The following PCNX2 variants were observed in gnomAD, a reference collection of about 807,000 sequenced individuals.
PCNX2 encodes pecanex 2, also known as pecanex-like protein 2.
PCNX2 carries 168 observed loss-of-function variants against 223.8 expected under a neutral mutation model. The observed-to-expected ratio is 0.75, with a 90% CI of 0.66 to 0.85. The LOEUF (loss-of-function observed/expected upper bound fraction) is 0.85, where lower values mean the gene tolerates loss of function less well. PCNX2 is among the 40% of genes least tolerant of loss of function. The pLI, the probability that PCNX2 is intolerant of heterozygous loss-of-function variation, is 0.00. For synonymous variants in PCNX2, 1,006 were observed against 1,052.6 expected, an observed-to-expected ratio of 0.96 and a Z score of 0.86; for missense variants, 2,507 against 2,675.5, an observed-to-expected ratio of 0.94 and a Z score of 1.39.
chr1:233,241,327 A>G (rs1235551055), intron 8 of PCNX2: 2 of 985,456 alleles, frequency 2.0e-6, no homozygotes, highest in African/African-American at 1.7e-5. Context: ...GGCAGGGCCA[A>G]TTCTCAGGCT....
chr1:233,325,808 C>T, the PCNX2 span, among the ~76,000 whole-genome samples: 9 of 152,134 alleles, frequency 5.9e-5, no homozygotes, highest in African/African-American at 1.7e-4. Context: ...ATCACAAACT[C>T]GGTTGGTAAA....
At chr1:233,278,583 A>G (rs1000989960) in intron 1 of PCNX2, among the ~76,000 whole-genome samples, 1 of 152,180 alleles carries the variant, frequency 6.6e-6, no homozygotes, top group Non-Finnish European at 1.5e-5. Context: ...ATTTCTGTAC[A>G]GGGGAGTGGA....
intron 10 of PCNX2, among the ~76,000 whole-genome samples, chr1:233,219,135 G>A (rs1657213169): frequency 6.6e-6 from 1 of 152,030 alleles, no homozygotes; most frequent in South Asian, 2.1e-4. Context: ...TTATCAGGTG[G>A]GTATGCAAAG....
chr1:233,200,100 C>A (rs958979574), intron 14 of PCNX2, 54 bp downstream of exon 14: 3 of 1,390,900 alleles, frequency 2.2e-6, no homozygotes, highest in Non-Finnish European at 3.0e-6. Context: ...GCTATTTAGT[C>A]CTTATCTGAA....
chr1:233,213,557 T>C (rs1171711109), intron 12 of PCNX2, among the ~76,000 whole-genome samples: 1 of 152,160 alleles, frequency 6.6e-6, no homozygotes, highest in Non-Finnish European at 1.5e-5. Context: ...AAAACTACTC[T>C]AAAATAAAAG....
intron 1 of PCNX2, among the ~76,000 whole-genome samples, chr1:233,276,858 T>C (rs955972755): frequency 6.6e-6 from 1 of 152,260 alleles, no homozygotes; most frequent in Non-Finnish European, 1.5e-5. Flanking sequence ...GGGGTAGAAC[T>C]GTGACTGCAA....
intron 23 of PCNX2, among the ~76,000 whole-genome samples, chr1:233,077,425 CA>C (rs1207882652): frequency 6.6e-6 from 1 of 152,170 alleles, no homozygotes; most frequent in Admixed American, 6.5e-5. Flanking sequence ...CAGGGAAAAA[CA>C]CCCTCAGAAG....
At chr1:233,092,429 A>G (rs1223194204) in intron 22 of PCNX2, among the ~76,000 whole-genome samples, 1 of 152,240 alleles carries the variant, frequency 6.6e-6, no homozygotes, top group Non-Finnish European at 1.5e-5. Context: ...TACATTTTTT[A>G]AATGCCAGAA....
intron 9 of PCNX2, among the ~76,000 whole-genome samples, chr1:233,230,657 C>T (rs1008046694): frequency 3.3e-5 from 5 of 152,104 alleles, no homozygotes; most frequent in East Asian, 3.9e-4. Context: ...TTAGGAAAAG[C>T]GAGGACAAAG....
intron 28 of PCNX2, among the ~76,000 whole-genome samples, chr1:233,004,818 C>T (rs191438487): frequency 5.3e-5 from 8 of 152,296 alleles, no homozygotes; most frequent in Admixed American, 1.3e-4. Context: ...GCCGCTGAGG[C>T]TTCAAGGCTT....
intron 21 of PCNX2, among the ~76,000 whole-genome samples, chr1:233,130,248 C>A (rs1676392562): frequency 6.6e-6 from 1 of 152,172 alleles, no homozygotes; most frequent in African/African-American, 2.4e-5. Context: ...TCTGCAGCTT[C>A]ATTCTTGAAA....
At chr1:233,282,352 A>G (rs915876085) in intron 1 of PCNX2, among the ~76,000 whole-genome samples, 10 of 152,132 alleles carry the variant, frequency 6.6e-5, no homozygotes, top group African/African-American at 2.4e-4. Flanking sequence ...TTATTTTTCA[A>G]ATCTGTATCC....
At chr1:233,097,499 A>C (rs1674243390) in intron 21 of PCNX2, among the ~76,000 whole-genome samples, 1 of 152,168 alleles carries the variant, frequency 6.6e-6, no homozygotes, top group Non-Finnish European at 1.5e-5. Context: ...ACTTGCATCA[A>C]CCATAGAGGA....
chr1:233,288,137 A>G (rs1392853722), intron 1 of PCNX2, among the ~76,000 whole-genome samples: 3 of 152,228 alleles, frequency 2.0e-5, no homozygotes, highest in African/African-American at 4.8e-5. Flanking sequence ...TAAGATATTT[A>G]ATGTTTAAAA....
rs142886973 is a variant in PCNX2, at chr1:233,233,529, G to C, written c.2358+3316C>G. ...CCCTTTCTGGGAGCTCCCCTTTCAG[G>C]GACACTTCATTCCCTACACACACAC... On this transcript the variant is annotated intron_variant, in intron 9 of 33. Coordinates refer to ENST00000258229, the MANE Select transcript of PCNX2 (RefSeq NM_014801.4). Among the ~76,000 whole-genome samples the C allele has an allele frequency of 6.1e-3, 908 of 149,242 alleles. 8 individuals carry two copies. Among genetic ancestry groups the C allele is most frequent in the African/African-American group, 0.021 (838 of 40,542 alleles).
chr1:233,288,361 GA>G (rs1661562753), intron 1 of PCNX2, among the ~76,000 whole-genome samples: 1 of 152,140 alleles, frequency 6.6e-6, no homozygotes, highest in African/African-American at 2.4e-5. Flanking sequence ...CTAATGGGGG[GA>G]AATCTCAAGA....
chr1:233,281,586 G>A (rs1213281868), intron 1 of PCNX2, among the ~76,000 whole-genome samples: 2 of 152,016 alleles, frequency 1.3e-5, no homozygotes, highest in African/African-American at 4.8e-5. Context: ...TCCCATGATA[G>A]AAAAAAATTA....
upstream of PCNX2, among the ~76,000 whole-genome samples, chr1:233,298,431 G>T (rs891922112): frequency 1.3e-5 from 2 of 152,216 alleles, no homozygotes; most frequent in Non-Finnish European, 1.5e-5. Flanking sequence ...GTGCCTAATT[G>T]TGTTGTATTA....
chr1:233,264,727 T>C (rs185427433), intron 1 of PCNX2, among the ~76,000 whole-genome samples: 26 of 152,332 alleles, frequency 1.7e-4, no homozygotes, highest in African/African-American at 6.0e-4. Flanking sequence ...ATAAGGTTTA[T>C]ATTTACAAAA....
Sources: gnomAD v4.1 joint callset for allele counts (sites outside exome capture counted in the v4.1 genomes callset) on GRCh38, gnomAD v4.1.1 for gene constraint, MANE v1.5 for transcripts, NCBI Gene and HGNC (gene_info 2026-07-23, HGNC 2026-07-21) for gene names.